The following TCAIM variants were observed in gnomAD, a reference collection of about 807,000 sequenced individuals.
TCAIM encodes the protein T cell activation inhibitor, mitochondrial, also known as T-cell activation inhibitor, mitochondrial.
In TCAIM, 36 loss-of-function variants were observed where a neutral mutation model predicts 58.6. That is an observed-to-expected ratio of 0.61 (90% CI 0.47 to 0.81). The LOEUF (loss-of-function observed/expected upper bound fraction) is 0.81, where lower values mean the gene tolerates loss of function less well. Ranked by LOEUF, TCAIM falls within the 30% of genes least tolerant of loss-of-function variation. TCAIM has a pLI of 0.00. For missense variants in TCAIM, 466 were observed against 579.6 expected, an observed-to-expected ratio of 0.80 and a Z score of 2.01; for synonymous variants, 172 against 193.6, an observed-to-expected ratio of 0.89 and a Z score of 0.93.
chr3:44,358,110 A>C (rs1432383402), intron 3 of TCAIM: 1 of 1,443,238 alleles, frequency 6.9e-7, no homozygotes, highest in East Asian at 2.4e-5. Context: ...TTAGAGTACT[A>C]GTAATCATGT....
intron 10 of TCAIM, among the ~76,000 whole-genome samples, chr3:44,407,014 T>C (rs1234195473): frequency 6.6e-6 from 1 of 152,072 alleles, no homozygotes; most frequent in African/African-American, 2.4e-5. Flanking sequence ...AGGATCCTGG[T>C]TTTCTGTGAG....
At chr3:44,342,238 A>T (rs2125713192) in intron 1 of TCAIM, among the ~76,000 whole-genome samples, 1 of 152,308 alleles carries the variant, frequency 6.6e-6, no homozygotes, top group African/African-American at 2.4e-5. Flanking sequence ...TGAAAACTTA[A>T]GATTCAGAAT....
chr3:44,357,868 G>A lies in TCAIM; in HGVS notation c.157G>A (p.Val53Ile), dbSNP rs768516553. 1.5e-5 allele frequency: 25 copies of A among 1,613,184 alleles called. No homozygotes were observed. The highest frequency in any genetic ancestry group is 1.7e-5 in the Non-Finnish European group (20 of 1,179,824). The change falls in exon 3 of 11, where the codon GTA (valine) becomes ATA (isoleucine). Residue 53 changes from valine (V) to isoleucine (I), a missense_variant. Val to Ile is a conservative substitution (Grantham distance 29). Coordinates refer to ENST00000342649, the MANE Select transcript of TCAIM (RefSeq NM_173826.4). ...TCCAGATTTCTTTGGACAGCACCCCGTAGAAAGGGTAAACATTTATTTATT... is the reference window on the plus strand; with the variant it reads ...TCCAGATTTCTTTGGACAGCACCCCATAGAAAGGGTAAACATTTATTTATT... ...VHPDFFGQHP[V>I]EREINENSLK...
At chr3:44,396,674 A>G (rs762519677) in intron 7 of TCAIM, 69 bp from the exon 8 acceptor site, 4 of 1,532,818 alleles carry the variant, frequency 2.6e-6, no homozygotes, top group Admixed American at 1.8e-5. Flanking sequence ...GGGTTTATAC[A>G]CTATTTGCAC....
At position 44,358,675 on chromosome 3, in the gene TCAIM, G is replaced by A. The variant is rs537733746; in HGVS notation, c.165+799G>A. ...AGAGACTTGAGCATTCGCAGATTTC[G>A]GTATCCACGGGAGGTCCTGGAACCA... On this transcript the variant is annotated intron_variant, in intron 3 of 10. Transcript: ENST00000342649. 2.2e-5 allele frequency: 20 copies of A among 896,420 alleles called. 1 individual carries two copies. In the South Asian group the frequency reaches 8.0e-4, roughly 36 times the overall value. 55.5% of individuals were successfully genotyped at this position (896,420 alleles called of 1,614,324 possible). A position where few individuals can be genotyped will look rare whatever the true frequency, so the allele number is the denominator to read the frequency against.
intron 5 of TCAIM, among the ~76,000 whole-genome samples, chr3:44,386,087 C>T (rs905570653): frequency 9.9e-5 from 15 of 151,026 alleles, no homozygotes; most frequent in African/African-American, 3.4e-4. Context: ...GTGGCTCGCA[C>T]CTATAATCCC....
At chr3:44,387,506 T>C (rs1048558262) in intron 5 of TCAIM, among the ~76,000 whole-genome samples, 4 of 152,204 alleles carry the variant, frequency 2.6e-5, no homozygotes, top group African/African-American at 9.7e-5. Flanking sequence ...GTTCCTCAGT[T>C]CCCACAGTGG....
intron 5 of TCAIM, among the ~76,000 whole-genome samples, chr3:44,370,149 C>T (rs756300355): frequency 1.3e-5 from 2 of 152,048 alleles, no homozygotes; most frequent in Non-Finnish European, 2.9e-5. Flanking sequence ...GTTATGAGGA[C>T]AAGCTCAAAA....
At chr3:44,366,366 C>T (rs1444882783) in intron 4 of TCAIM, among the ~76,000 whole-genome samples, 2 of 151,732 alleles carry the variant, frequency 1.3e-5, no homozygotes, top group Non-Finnish European at 2.9e-5. Context: ...CGGCTCACTG[C>T]AACCTCCGCC....
intron 1 of TCAIM, among the ~76,000 whole-genome samples, chr3:44,349,402 G>A (rs1202029344): frequency 2.0e-5 from 3 of 152,190 alleles, no homozygotes; most frequent in Non-Finnish European, 2.9e-5. Flanking sequence ...TAGGTTTTAG[G>A]TTAGGTGTGA....
In TCAIM at chr3:44,367,927, A is replaced by G. The variant is rs536358873; in HGVS notation, c.572+219A>G. On this transcript the variant is annotated intron_variant, in intron 5 of 10. Coordinates refer to ENST00000342649, the MANE Select transcript of TCAIM (RefSeq NM_173826.4). ...GTTTCTTACTTAAAGCTGCCAAAAT[A>G]CTTCCAACTGTATTTAAAGTTGTGG... 6.8e-5 allele frequency: 30 copies of G among 443,180 alleles called. No individual in the cohort carries two copies. In the Admixed American group the frequency reaches 7.7e-4, roughly 11 times the overall value. 27.5% of individuals were successfully genotyped at this position (443,180 alleles called of 1,614,324 possible). A position where few individuals can be genotyped will look rare whatever the true frequency, so the allele number is the denominator to read the frequency against.
intron 3 of TCAIM, chr3:44,358,200 TC>T (rs1211242016): frequency 5.8e-6 from 9 of 1,558,834 alleles, no homozygotes; most frequent in African/African-American, 1.4e-5. Context: ...AATCTCTCTC[TC>T]TTTTTTTTTT....
chr3:44,398,126 C>G (rs1701963256), intron 8 of TCAIM, among the ~76,000 whole-genome samples: 1 of 151,850 alleles, frequency 6.6e-6, no homozygotes, highest in South Asian at 2.1e-4. Flanking sequence ...CATGTAAGCA[C>G]ATAAAAACAT....
At chr3:44,340,109 G>A (rs141126957) in intron 1 of TCAIM, 1 of 152,316 alleles carries the variant, frequency 6.6e-6, no homozygotes, top group East Asian at 1.9e-4. Context: ...TGATGTGGAT[G>A]TCCCAGACTT....
chr3:44,401,068 T>A, intron 9 of TCAIM, 135 bp from the exon 10 acceptor site: 1 of 1,288,076 alleles, frequency 7.8e-7, no homozygotes, highest in Non-Finnish European at 1.0e-6. Context: ...AAGCTTTAAG[T>A]CAATGTTGCT....
At chr3:44,368,471 A>C (rs555055300) in intron 5 of TCAIM, among the ~76,000 whole-genome samples, 8 of 152,226 alleles carry the variant, frequency 5.3e-5, no homozygotes, top group Non-Finnish European at 1.0e-4. Context: ...ACCTAGCTAG[A>C]TTCTAAATAA....
chr3:44,374,192 C>G (rs1336387247), intron 5 of TCAIM, among the ~76,000 whole-genome samples: 1 of 151,784 alleles, frequency 6.6e-6, no homozygotes, highest in Non-Finnish European at 1.5e-5. Flanking sequence ...TTACTCTTCC[C>G]TTTGTTTATA....
chr3:44,397,336 T>A (rs1701951016), intron 8 of TCAIM, among the ~76,000 whole-genome samples: 1 of 152,206 alleles, frequency 6.6e-6, no homozygotes, highest in African/African-American at 2.4e-5. Flanking sequence ...ACCACTGGTC[T>A]GCTTTCTGTT....
intron 10 of TCAIM, among the ~76,000 whole-genome samples, chr3:44,405,930 C>T (rs370217566): frequency 5.3e-5 from 7 of 131,690 alleles, no homozygotes; most frequent in South Asian, 2.5e-4. Context: ...CCAGCCTGGG[C>T]GACAGAGCAA....
Sources: allele counts gnomAD v4.1 joint callset (sites outside exome capture counted in the v4.1 genomes callset), GRCh38; gene constraint gnomAD v4.1.1; transcripts MANE v1.5; gene names NCBI Gene and HGNC (gene_info 2026-07-23, HGNC 2026-07-21).